The following TRAPPC9 variants were observed in gnomAD, a reference collection of about 807,000 sequenced individuals.
TRAPPC9 encodes trafficking protein particle complex subunit 9.
TRAPPC9 carries 83 observed loss-of-function variants against 124.0 expected under a neutral mutation model. That is an observed-to-expected ratio of 0.67 (90% CI 0.56 to 0.80). The LOEUF is 0.80. Ranked by LOEUF, TRAPPC9 falls within the 30% of genes least tolerant of loss-of-function variation. The probability of loss-of-function intolerance (pLI) is 0.00; values close to 1 mark genes in which losing one functional copy is unlikely to be tolerated. For synonymous variants in TRAPPC9, 638 were observed against 617.5 expected (o/e 1.03, Z -0.49); for missense variants, 1,302 against 1,508.3 (o/e 0.86, Z 2.27).
intron 20 of TRAPPC9, among the ~76,000 whole-genome samples, chr8:139,906,444 C>T (rs940480230): frequency 2.0e-5 from 3 of 152,076 alleles, no homozygotes; most frequent in African/African-American, 7.2e-5. Flanking sequence ...GGAGGAGTGC[C>T]CGGGGGTGCC....
intron 16 of TRAPPC9, among the ~76,000 whole-genome samples, chr8:140,233,573 C>CTT (rs1332056304): frequency 2.2e-5 from 3 of 138,686 alleles, no homozygotes; most frequent in African/African-American, 7.9e-5. Flanking sequence ...ACACACACTT[C>CTT]CTCTCTCTCT....
chr8:140,159,050 G>T lies in TRAPPC9; in HGVS notation c.2556+62409C>A, dbSNP rs370671097. On this transcript the variant is annotated intron_variant, in intron 17 of 22. Coordinates refer to ENST00000438773, the MANE Select transcript of TRAPPC9 (RefSeq NM_001160372.4). The stretch of plus-strand genomic sequence containing the variant: ...TAAGACAGAGTCTCTGCCCTTGGCG[G>T]AAGTTCCCTGCCAGGGACGGACCCG... 1.1e-3 allele frequency among the ~76,000 whole-genome samples: 173 copies of T among 152,274 alleles called. No homozygotes were observed. The South Asian group carries it at 0.023, about 20-fold the overall frequency.
At position 140,022,602 on chromosome 8, in the gene TRAPPC9, C is replaced by T. The variant is rs185689456; in HGVS notation, c.2699+1335G>A. Reference sequence around the variant, plus strand: ...TTCCAAGAATTATTTATGTGGGCAACGGCAGCAGGAGATGAGGGGATGAGA... The same window carrying T: ...TTCCAAGAATTATTTATGTGGGCAATGGCAGCAGGAGATGAGGGGATGAGA... On this transcript the variant is annotated intron_variant, in intron 18 of 22. Transcript: ENST00000438773. Among the ~76,000 whole-genome samples, 73 of 152,222 alleles carry T rather than the reference C, an allele frequency of 4.8e-4. No homozygotes were observed. The East Asian group carries it at 9.7e-3, about 20-fold the overall frequency.
chr8:139,793,610 C>T (rs371709454), intron 21 of TRAPPC9, among the ~76,000 whole-genome samples: 3 of 152,192 alleles, frequency 2.0e-5, no homozygotes, highest in South Asian at 4.1e-4. Context: ...CATCTCTGCA[C>T]CCTAGTGCAG....
chr8:140,382,558 C>T (rs1290789650), intron 7 of TRAPPC9, among the ~76,000 whole-genome samples: 1 of 152,204 alleles, frequency 6.6e-6, no homozygotes, highest in Non-Finnish European at 1.5e-5. Flanking sequence ...GAGCCTCGCT[C>T]ATTGCTAGCA....
intron 20 of TRAPPC9, among the ~76,000 whole-genome samples, chr8:139,906,077 A>C (rs1831340602): frequency 6.6e-6 from 1 of 152,046 alleles, no homozygotes; most frequent in Non-Finnish European, 1.5e-5. Flanking sequence ...CCTGGTGACA[A>C]AGCAAGACTG....
chr8:139,880,191 A>G (rs770718382), intron 21 of TRAPPC9, among the ~76,000 whole-genome samples: 2 of 152,200 alleles, frequency 1.3e-5, no homozygotes, highest in Non-Finnish European at 2.9e-5. Flanking sequence ...AGGTCCCTGC[A>G]GGCTTTCACT....
chr8:140,013,934 G>C (rs570752582), intron 18 of TRAPPC9, among the ~76,000 whole-genome samples: 2 of 152,328 alleles, frequency 1.3e-5, no homozygotes, highest in East Asian at 3.9e-4. Flanking sequence ...ATCAACACTG[G>C]AAATCAGATA....
chr8:139,964,925 G>C (rs765074543), intron 19 of TRAPPC9, among the ~76,000 whole-genome samples: 3 of 152,186 alleles, frequency 2.0e-5, no homozygotes, highest in Non-Finnish European at 1.5e-5. Flanking sequence ...CCCAAATGCA[G>C]CTGATCTATC....
At chr8:140,433,069 G>A (rs572316860) in intron 4 of TRAPPC9, among the ~76,000 whole-genome samples, 18 of 152,208 alleles carry the variant, frequency 1.2e-4, no homozygotes, top group African/African-American at 2.6e-4. Context: ...TTGGGAGGCC[G>A]AAGCGGGTGG....
chr8:139,763,878 C>T (rs1011115329), intron 21 of TRAPPC9, among the ~76,000 whole-genome samples: 5 of 152,198 alleles, frequency 3.3e-5, no homozygotes, highest in Non-Finnish European at 7.3e-5. Context: ...GGTGTTGGGC[C>T]TCAGCAGCCA....
chr8:139,885,062 G>A (rs1829915891), intron 21 of TRAPPC9, among the ~76,000 whole-genome samples: 4 of 152,208 alleles, frequency 2.6e-5, no homozygotes, highest in African/African-American at 9.6e-5. Flanking sequence ...TCAAAGAGGA[G>A]CTACTCATTC....
intron 19 of TRAPPC9, chr8:139,931,954 T>C (rs1373150250): frequency 5.0e-6 from 1 of 201,702 alleles, no homozygotes; most frequent in African/African-American, 2.3e-5. Context: ...CAGAGTTGTT[T>C]TGCCACACAT....
chr8:140,080,353 C>G (rs1843744102), intron 17 of TRAPPC9, among the ~76,000 whole-genome samples: 1 of 152,224 alleles, frequency 6.6e-6, no homozygotes. Flanking sequence ...GGTGTTGCTG[C>G]AACAGAATAC....
chr8:139,781,063 G>A (rs1821783590), intron 21 of TRAPPC9, among the ~76,000 whole-genome samples: 1 of 152,136 alleles, frequency 6.6e-6, no homozygotes, highest in Admixed American at 6.5e-5. Flanking sequence ...TTGCTGATGG[G>A]AAAGCAAAAT....
At chr8:140,402,354 T>C (rs940314253) in intron 6 of TRAPPC9, among the ~76,000 whole-genome samples, 3 of 151,550 alleles carry the variant, frequency 2.0e-5, no homozygotes, top group Non-Finnish European at 2.9e-5. Context: ...GCTGTGATCA[T>C]GCTACTGCAC....
At chr8:139,925,647 C>A (rs1832763120) in intron 19 of TRAPPC9, among the ~76,000 whole-genome samples, 1 of 151,556 alleles carries the variant, frequency 6.6e-6, no homozygotes, top group Non-Finnish European at 1.5e-5. Flanking sequence ...ACTCAGGAGG[C>A]TGAGGCAGGA....
In TRAPPC9 at chr8:140,126,374, G is replaced by C. The variant is rs145174436; in HGVS notation, c.2556+95085C>G. Among the ~76,000 whole-genome samples, 568 of 152,214 alleles carry C rather than the reference G, an allele frequency of 3.7e-3. 1 individual carries two copies. Among genetic ancestry groups the C allele is most frequent in the Non-Finnish European group, 5.8e-3 (397 of 68,028 alleles). On this transcript the variant is annotated intron_variant, in intron 17 of 22. Transcript: ENST00000438773. ...TTCAGAACCAGACTCTCAGGCACCA[G>C]GTTCCAAACAAAGACGTTAACGAAT...
Position 140,457,740 on chromosome 8 carries a change from C to G in TRAPPC9, c.-112G>C. On this transcript the variant is annotated 5_prime_UTR_variant, in exon 1 of 23. Transcript: ENST00000438773. ...TTCCCAGGCTCTGGGCTGGCGCTTC[C>G]TACTGGCGGCCGAGCCGGCGCTGCT... 5 of 996,634 alleles carry G rather than the reference C, an allele frequency of 5.0e-6. No homozygotes were observed. Among genetic ancestry groups the G allele is most frequent in the Non-Finnish European group, 6.0e-6 (5 of 836,774 alleles). The allele number at this position is 996,634 out of a possible 1,614,324, so 61.7% of individuals were successfully genotyped here. A position where few individuals can be genotyped will look rare whatever the true frequency, so the allele number is the denominator to read the frequency against.
Sources: gnomAD v4.1 joint callset for allele counts (sites outside exome capture counted in the v4.1 genomes callset) on GRCh38, gnomAD v4.1.1 for gene constraint, MANE v1.5 for transcripts, NCBI Gene and HGNC (gene_info 2026-07-23, HGNC 2026-07-21) for gene names.